ZNF385D: variants seen among roughly 807,000 people sequenced by gnomAD.
The protein encoded by ZNF385D is zinc finger protein 385D, also known as zinc finger protein 659.
In ZNF385D, 15 loss-of-function variants were observed where a neutral mutation model predicts 35.8. That is an observed-to-expected ratio of 0.42 (90% CI 0.28 to 0.64). The LOEUF (loss-of-function observed/expected upper bound fraction) is 0.64. Ranked by LOEUF, ZNF385D falls within the 30% of genes least tolerant of loss-of-function variation. ZNF385D has a pLI of 0.23. For missense variants in ZNF385D, 474 were observed against 494.6 expected, an observed-to-expected ratio of 0.96 and a Z score of 0.39; for synonymous variants, 212 against 186.8, an observed-to-expected ratio of 1.13 and a Z score of -1.10.
intron 3 of ZNF385D, among the ~76,000 whole-genome samples, chr3:21,962,767 A>T (rs982829431): frequency 2.0e-5 from 3 of 152,156 alleles, no homozygotes; most frequent in African/African-American, 7.2e-5. Context: ...CCTAGCATAC[A>T]TTCTCATATT....
intron 2 of ZNF385D, among the ~76,000 whole-genome samples, chr3:22,318,765 A>T (rs1704039495): frequency 6.6e-6 from 1 of 152,222 alleles, no homozygotes; most frequent in Admixed American, 6.5e-5. Context: ...TGAACAATGT[A>T]GAAGTAATTA....
At chr3:21,912,142 G>A (rs765664435) in intron 3 of ZNF385D, among the ~76,000 whole-genome samples, 1 of 151,842 alleles carries the variant, frequency 6.6e-6, no homozygotes, top group African/African-American at 2.4e-5. Flanking sequence ...CCAATACAAA[G>A]CTATCGTGTT....
At chr3:22,271,524 A>G (rs1171834822) in intron 2 of ZNF385D, among the ~76,000 whole-genome samples, 1 of 151,890 alleles carries the variant, frequency 6.6e-6, no homozygotes, top group Non-Finnish European at 1.5e-5. Flanking sequence ...TCCCCATTTA[A>G]TCGGGCCTCA....
chr3:22,257,921 T>C (rs1027276518), intron 2 of ZNF385D, among the ~76,000 whole-genome samples: 1 of 151,914 alleles, frequency 6.6e-6, no homozygotes, highest in Non-Finnish European at 1.5e-5. Flanking sequence ...CTACAAAATA[T>C]CTTACATTAT....
At chr3:22,181,473 G>C (rs1237018748) in intron 2 of ZNF385D, among the ~76,000 whole-genome samples, 2 of 151,972 alleles carry the variant, frequency 1.3e-5, no homozygotes, top group Non-Finnish European at 2.9e-5. Context: ...GAGGCGGGCG[G>C]ATCACGAGGT....
Position 21,926,748 on chromosome 3 carries a change from T to G in ZNF385D, c.325+242069A>C, listed in dbSNP as rs540535442. Among the ~76,000 whole-genome samples the G allele has an allele frequency of 3.3e-5, 5 of 152,106 alleles. 1 individual carries two copies. The South Asian group carries it at 6.2e-4, about 19-fold the overall frequency. On this transcript the variant is annotated intron_variant, in intron 3 of 5. Transcript: ENST00000494108. ...TCAGGGCATAGGCATGGGCAAAGAC[T>G]TCATGACTAAAACACCAAAAGCAAT... is the stretch of plus-strand genomic sequence containing the variant.
At chr3:22,371,420 C>CTTT (rs200244760) in intron 2 of ZNF385D, among the ~76,000 whole-genome samples, 1 of 151,288 alleles carries the variant, frequency 6.6e-6, no homozygotes, top group African/African-American at 2.4e-5. Context: ...GTCAGATGTT[C>CTTT]TCAGTCAGTT....
At chr3:22,026,926 CCAAA>C (rs1305275463) in intron 3 of ZNF385D, among the ~76,000 whole-genome samples, 2 of 152,146 alleles carry the variant, frequency 1.3e-5, no homozygotes, top group African/African-American at 4.8e-5. Context: ...GTAAGATTAA[CCAAA>C]CAGTGACTCC....
intron 3 of ZNF385D, among the ~76,000 whole-genome samples, chr3:21,994,682 G>C (rs114290582): frequency 0.013 from 1,996 of 152,202 alleles, 51 homozygotes; most frequent in African/African-American, 0.043. Context: ...TTCTGGACTG[G>C]CTTTTACAGG....
chr3:22,100,614 C>G (rs1701881320), intron 3 of ZNF385D, among the ~76,000 whole-genome samples: 1 of 141,386 alleles, frequency 7.1e-6, no homozygotes, highest in East Asian at 2.1e-4. Flanking sequence ...TATTCTCACT[C>G]ATAGGTGGGA....
intron 3 of ZNF385D, among the ~76,000 whole-genome samples, chr3:22,101,020 C>T (rs919837720): frequency 2.0e-5 from 3 of 151,738 alleles, no homozygotes; most frequent in African/African-American, 7.3e-5. Context: ...AAATGGGCTA[C>T]CCAAACAGTT....
At chr3:22,333,503 C>T (rs1322309831) in intron 2 of ZNF385D, among the ~76,000 whole-genome samples, 1 of 151,482 alleles carries the variant, frequency 6.6e-6, no homozygotes, top group Non-Finnish European at 1.5e-5. Context: ...TCGTATAATT[C>T]CTATTAATTG....
chr3:21,756,239 C>G (rs1323568582), intron 3 of ZNF385D, among the ~76,000 whole-genome samples: 1 of 152,136 alleles, frequency 6.6e-6, no homozygotes, highest in Non-Finnish European at 1.5e-5. Flanking sequence ...TGGTCAGATT[C>G]TCTACATGTA....
intron 2 of ZNF385D, among the ~76,000 whole-genome samples, chr3:22,360,862 C>T (rs1009943535): frequency 5.3e-5 from 8 of 151,912 alleles, no homozygotes; most frequent in East Asian, 3.9e-4. Context: ...TTAATCGGGG[C>T]GATCACTCAG....
In ZNF385D at chr3:21,412,838, T is replaced by C. The variant is rs1159888397; in HGVS notation, c.*8376A>G. The C allele has an allele frequency of 1.3e-5, 2 of 152,128 alleles. No homozygotes were observed. The highest frequency in any genetic ancestry group is 3.9e-4 in the East Asian group (2 of 5,190). 9.4% of individuals were successfully genotyped at this position (152,128 alleles called of 1,614,324 possible). On this transcript the variant is annotated 3_prime_UTR_variant, in exon 8 of 8. Transcript: ENST00000281523. ...ACCACAGACAAGATAAACTGTGCTA[T>C]ATTTTACATTTCTGAGTCAATAATA...
At chr3:22,269,207 T>C (rs1379455890) in intron 2 of ZNF385D, among the ~76,000 whole-genome samples, 1 of 151,942 alleles carries the variant, frequency 6.6e-6, no homozygotes, top group Non-Finnish European at 1.5e-5. Context: ...CCAGCACTAA[T>C]CATTGTCTAA....
chr3:21,681,687 T>TA (rs201173045), intron 1 of ZNF385D, among the ~76,000 whole-genome samples: 235 of 41,822 alleles, frequency 5.6e-3, no homozygotes, highest in African/African-American at 0.013. Flanking sequence ...CTAAGAATGA[T>TA]AAAAAAAAAC....
rs1032910922 is a variant in ZNF385D at position 22,029,459 on chromosome 3, G to A, written c.325+139358C>T. ...TCCAGCAGGAAAAAACCCGCGACCT[G>A]CTGAGGTGCTTGCTGAAGGCAAGGA... On this transcript the variant is annotated intron_variant, in intron 3 of 5. Transcript: ENST00000494108. Among the ~76,000 whole-genome samples, 12 of 152,320 alleles carry A rather than the reference G, an allele frequency of 7.9e-5. No individual in the cohort carries two copies. The East Asian group carries it at 2.1e-3, about 27-fold the overall frequency.
intron 4 of ZNF385D, among the ~76,000 whole-genome samples, chr3:21,458,570 T>A (rs1387745231): frequency 6.6e-6 from 1 of 151,776 alleles, no homozygotes; most frequent in Non-Finnish European, 1.5e-5. Context: ...GATGAAAGGA[T>A]AAATAAAATG....
Sources: gnomAD v4.1 joint callset for allele counts (sites outside exome capture counted in the v4.1 genomes callset) on GRCh38, gnomAD v4.1.1 for gene constraint, MANE v1.5 for transcripts, NCBI Gene and HGNC (gene_info 2026-07-23, HGNC 2026-07-21) for gene names.